The following ZC3H12B variants were observed in gnomAD, a reference collection of about 807,000 sequenced individuals.
ZC3H12B encodes zinc finger CCCH-type containing 12B.
ZC3H12B carries 7 observed loss-of-function variants against 43.9 expected under a neutral mutation model. The ratio of observed to expected loss-of-function variants is 0.16; its 90% CI spans 0.09 to 0.30. ZC3H12B has a LOEUF of 0.30. Ranked by LOEUF, ZC3H12B falls within the 10% of genes least tolerant of loss-of-function variation. The pLI is 1.00. For synonymous variants in ZC3H12B, 222 were observed against 241.7 expected (o/e 0.92, Z 0.76); for missense variants, 475 against 670.2 (o/e 0.71, Z 3.22).
intron 3 of ZC3H12B, among the ~76,000 whole-genome samples, chrX:65,471,115 C>T (rs2148195243): frequency 9.0e-6 from 1 of 111,542 alleles, no homozygotes; most frequent in East Asian, 2.8e-4. Context: ...CTGTCTAGTG[C>T]TGTCAGTGGA....
At chrX:65,212,548 A>G in the ZC3H12B span, among the ~76,000 whole-genome samples, 3 of 77,158 alleles carry the variant, frequency 3.9e-5, no homozygotes, top group African/African-American at 1.6e-4. Flanking sequence ...GTATATTTAT[A>G]TATTATATTA....
intron 3 of ZC3H12B, among the ~76,000 whole-genome samples, chrX:65,437,807 C>T (rs1366812747): frequency 8.9e-6 from 1 of 112,127 alleles, no homozygotes; most frequent in African/African-American, 3.2e-5. Flanking sequence ...GGGTATTACT[C>T]AAGAAATCTT....
the ZC3H12B span, among the ~76,000 whole-genome samples, chrX:65,334,832 C>G: frequency 9.0e-6 from 1 of 111,423 alleles, no homozygotes; most frequent in Non-Finnish European, 1.9e-5. Flanking sequence ...AAGAGAAATG[C>G]TATGAAACAA....
At chrX:65,492,899 C>T (rs1055405209) in intron 1 of ZC3H12B, among the ~76,000 whole-genome samples, 5 of 111,155 alleles carry the variant, frequency 4.5e-5, no homozygotes, top group Non-Finnish European at 9.4e-5. Flanking sequence ...CCCAGGAGTT[C>T]GAGACCAGCC....
chrX:65,309,279 C>T, the ZC3H12B span, among the ~76,000 whole-genome samples: 4 of 110,604 alleles, frequency 3.6e-5, no homozygotes, highest in Non-Finnish European at 5.7e-5. Flanking sequence ...AGAGAGACAA[C>T]TCAAATAGAC....
At chrX:65,131,640 G>T in the ZC3H12B span, among the ~76,000 whole-genome samples, 4 of 111,577 alleles carry the variant, frequency 3.6e-5, no homozygotes, top group African/African-American at 1.3e-4. Context: ...AGTCAGGATG[G>T]TAAAACTAGG....
the ZC3H12B span, among the ~76,000 whole-genome samples, chrX:65,157,287 A>G: frequency 8.9e-6 from 1 of 112,094 alleles, no homozygotes; most frequent in Non-Finnish European, 1.9e-5. Context: ...TCTTTTTATT[A>G]TCCTTGCTTT....
chrX:65,352,483 A>G, the ZC3H12B span, among the ~76,000 whole-genome samples: 2 of 111,341 alleles, frequency 1.8e-5, no homozygotes, highest in African/African-American at 6.5e-5. Flanking sequence ...AAAAAAAAGA[A>G]AAAGAAAAAG....
At chrX:65,333,868 T>C in the ZC3H12B span, among the ~76,000 whole-genome samples, 19 of 111,944 alleles carry the variant, frequency 1.7e-4, no homozygotes, top group Non-Finnish European at 3.6e-4. Context: ...ACAACAATTT[T>C]ACACAACAAT....
chrX:65,314,988 G>T, the ZC3H12B span, among the ~76,000 whole-genome samples: 1 of 110,718 alleles, frequency 9.0e-6, no homozygotes, highest in Non-Finnish European at 1.9e-5. Flanking sequence ...TCATTAAAAT[G>T]GTAGAGATAT....
At chrX:65,141,274 T>TA in the ZC3H12B span, among the ~76,000 whole-genome samples, 1 of 110,476 alleles carries the variant, frequency 9.1e-6, no homozygotes, top group African/African-American at 3.3e-5. Flanking sequence ...CTCAAGATTT[T>TA]AAAAAAATTC....
the ZC3H12B span, among the ~76,000 whole-genome samples, chrX:65,236,740 C>A: frequency 8.9e-6 from 1 of 111,813 alleles, no homozygotes; most frequent in Non-Finnish European, 1.9e-5. Flanking sequence ...GTTAGGAAGG[C>A]TTACAATTTC....
chrX:65,202,308 G>A, the ZC3H12B span, among the ~76,000 whole-genome samples: 1 of 105,049 alleles, frequency 9.5e-6, no homozygotes, highest in African/African-American at 3.5e-5. Flanking sequence ...ATCAGTCTCT[G>A]GGCTTTGAAG....
At chrX:65,350,389 T>A in the ZC3H12B span, among the ~76,000 whole-genome samples, 1 of 111,440 alleles carries the variant, frequency 9.0e-6, no homozygotes, top group African/African-American at 3.3e-5. Context: ...GGGCAAAAAC[T>A]GGAAGCATTC....
the ZC3H12B span, among the ~76,000 whole-genome samples, chrX:65,148,068 G>C: frequency 9.0e-6 from 1 of 110,831 alleles, no homozygotes; most frequent in Non-Finnish European, 1.9e-5. Context: ...AAGTCTGTTG[G>C]AGAATGGGGC....
the ZC3H12B span, among the ~76,000 whole-genome samples, chrX:65,175,102 G>C: frequency 2.1e-4 from 23 of 111,841 alleles, no homozygotes; most frequent in African/African-American, 6.8e-4. Flanking sequence ...AGATAGCACA[G>C]TTCCTTGCGG....
chrX:65,342,159 A>C, the ZC3H12B span, among the ~76,000 whole-genome samples: 1 of 111,806 alleles, frequency 8.9e-6, no homozygotes, highest in Admixed American at 9.5e-5. Context: ...AAGATCAAAA[A>C]ATGACAAAGA....
intron 3 of ZC3H12B, among the ~76,000 whole-genome samples, chrX:65,414,061 T>A (rs1363125180): frequency 8.9e-6 from 1 of 112,234 alleles, no homozygotes; most frequent in East Asian, 2.8e-4. Context: ...TGTTTTATTC[T>A]TTTTCAGATA....
chrX:65,063,627 T>C, the ZC3H12B span, among the ~76,000 whole-genome samples: 1 of 112,030 alleles, frequency 8.9e-6, no homozygotes, highest in Non-Finnish European at 1.9e-5. Context: ...TTTTCTTTTT[T>C]TGTTTCTCTG....
Sources: allele counts gnomAD v4.1 joint callset (sites outside exome capture counted in the v4.1 genomes callset), GRCh38; gene constraint gnomAD v4.1.1; transcripts MANE v1.5; gene names NCBI Gene and HGNC (gene_info 2026-07-23, HGNC 2026-07-21).